The following THSD7B variants were observed in gnomAD, a reference collection of about 807,000 sequenced individuals.
THSD7B encodes the protein thrombospondin type 1 domain containing 7B.
THSD7B carries 138 observed loss-of-function variants against 213.6 expected under a neutral mutation model. The ratio of observed to expected loss-of-function variants is 0.65; its 90% CI spans 0.56 to 0.74. THSD7B has a LOEUF of 0.74. THSD7B is among the 30% of genes least tolerant of loss of function. The pLI is 0.00. For synonymous variants in THSD7B, 742 were observed against 687.0 expected (o/e 1.08, Z -1.25); for missense variants, 1,931 against 1,991.5 (o/e 0.97, Z 0.58).
chr2:137,594,725 AT>A (rs1263257163), intron 17 of THSD7B, among the ~76,000 whole-genome samples: 1 of 151,938 alleles, frequency 6.6e-6, no homozygotes, highest in East Asian at 1.9e-4. Flanking sequence ...AAATTTTAGG[AT>A]TGCATTGTCG....
chr2:136,852,531 A>G (rs35957276), intron 1 of THSD7B, among the ~76,000 whole-genome samples: 19,566 of 152,158 alleles, frequency 0.13, 1,880 homozygotes, highest in Non-Finnish European at 0.21. Context: ...GAGCCACACC[A>G]AACTGAGACT....
chr2:137,252,783 C>T (rs566848443), intron 10 of THSD7B, among the ~76,000 whole-genome samples: 1 of 152,288 alleles, frequency 6.6e-6, no homozygotes, highest in African/African-American at 2.4e-5. Flanking sequence ...GCCTTTCCAA[C>T]TGGTTCAAGC....
intron 1 of THSD7B, among the ~76,000 whole-genome samples, chr2:136,770,168 C>T (rs1198869578): frequency 2.0e-5 from 3 of 152,184 alleles, no homozygotes; most frequent in African/African-American, 7.2e-5. Flanking sequence ...GGCACGATTG[C>T]CTTAGTCTTA....
At chr2:137,133,778 C>T (rs1481025003) in intron 5 of THSD7B, among the ~76,000 whole-genome samples, 1 of 152,128 alleles carries the variant, frequency 6.6e-6, no homozygotes, top group Non-Finnish European at 1.5e-5. Context: ...ACTATCATTT[C>T]AACATAAATC....
At chr2:137,381,891 G>A (rs1434749885) in intron 12 of THSD7B, among the ~76,000 whole-genome samples, 1 of 152,158 alleles carries the variant, frequency 6.6e-6, no homozygotes, top group Non-Finnish European at 1.5e-5. Context: ...TGTTTGATGA[G>A]GGAACTGGCC....
chr2:137,068,601 T>C (rs1687422259), intron 3 of THSD7B, among the ~76,000 whole-genome samples: 1 of 152,116 alleles, frequency 6.6e-6, no homozygotes. Context: ...ACATTTTTCG[T>C]GTGTGTATTT....
chr2:137,666,964 G>T (rs565849532), intron 26 of THSD7B, among the ~76,000 whole-genome samples: 2 of 152,124 alleles, frequency 1.3e-5, no homozygotes, highest in Admixed American at 1.3e-4. Flanking sequence ...CAGTAATTTG[G>T]TGAATTGATT....
chr2:137,406,408 C>T (rs1359384829), intron 13 of THSD7B, among the ~76,000 whole-genome samples: 1 of 152,084 alleles, frequency 6.6e-6, no homozygotes, highest in African/African-American at 2.4e-5. Context: ...CTGCAGTATG[C>T]AAATAATTGA....
intron 12 of THSD7B, among the ~76,000 whole-genome samples, chr2:137,316,221 C>A (rs371575276): frequency 2.0e-5 from 3 of 152,194 alleles, no homozygotes; most frequent in African/African-American, 7.2e-5. Context: ...ATACCACAAC[C>A]GATACCTTCA....
intron 5 of THSD7B, among the ~76,000 whole-genome samples, chr2:137,143,340 G>A (rs183964959): frequency 6.6e-6 from 1 of 152,076 alleles, no homozygotes; most frequent in East Asian, 1.9e-4. Context: ...GTGGAATCAC[G>A]CATTCTCTTC....
At chr2:137,184,681 A>G (rs912160817) in intron 7 of THSD7B, among the ~76,000 whole-genome samples, 1 of 152,196 alleles carries the variant, frequency 6.6e-6, no homozygotes, top group East Asian at 1.9e-4. Context: ...GTCTAAGTCT[A>G]TATCTATATC....
chr2:137,509,225 C>CT (rs1573673903), intron 15 of THSD7B, among the ~76,000 whole-genome samples: 1 of 152,064 alleles, frequency 6.6e-6, no homozygotes, highest in African/African-American at 2.4e-5. Context: ...ACCTTCCTGT[C>CT]TTTTTTTCTT....
intron 15 of THSD7B, among the ~76,000 whole-genome samples, chr2:137,558,501 C>A (rs1681034889): frequency 6.6e-6 from 1 of 152,146 alleles, no homozygotes; most frequent in African/African-American, 2.4e-5. Context: ...AGGCCTTCAA[C>A]ATAATTCAAC....
At chr2:137,270,061 G>C (rs922954592) in intron 10 of THSD7B, among the ~76,000 whole-genome samples, 2 of 152,154 alleles carry the variant, frequency 1.3e-5, no homozygotes, top group African/African-American at 4.8e-5. Flanking sequence ...TTGATGGAGG[G>C]AGAAACATTT....
intron 7 of THSD7B, among the ~76,000 whole-genome samples, chr2:137,213,575 AATGATAC>A (rs1282752209): frequency 6.6e-6 from 1 of 150,938 alleles, no homozygotes; most frequent in Non-Finnish European, 1.5e-5. Context: ...AATCATATAT[AATGATAC>A]ATGATATATA....
chr2:137,675,741 C>A (rs1400087220), intron 27 of THSD7B, among the ~76,000 whole-genome samples: 5 of 151,972 alleles, frequency 3.3e-5, no homozygotes, highest in Non-Finnish European at 7.4e-5. Context: ...AGAGATGAAG[C>A]CGGGCTGTGT....
chr2:136,973,491 T>C (rs114285023), intron 2 of THSD7B, among the ~76,000 whole-genome samples: 4,188 of 152,300 alleles, frequency 0.027, 81 homozygotes, highest in Non-Finnish European at 0.044. Context: ...TTTATATCAA[T>C]ATTTGTCATT....
At chr2:137,144,076 G>A (rs1679644152) in intron 5 of THSD7B, among the ~76,000 whole-genome samples, 1 of 152,040 alleles carries the variant, frequency 6.6e-6, no homozygotes, top group African/African-American at 2.4e-5. Flanking sequence ...GCAACAGACA[G>A]CATAAACGGA....
At chr2:137,087,438 A>C (rs1216894115) in intron 3 of THSD7B, among the ~76,000 whole-genome samples, 2 of 151,902 alleles carry the variant, frequency 1.3e-5, no homozygotes, top group Non-Finnish European at 2.9e-5. Flanking sequence ...CAGAACTTAT[A>C]AAATAATTCA....
Sources: allele counts gnomAD v4.1 joint callset (sites outside exome capture counted in the v4.1 genomes callset), GRCh38; gene constraint gnomAD v4.1.1; transcripts MANE v1.5; gene names NCBI Gene and HGNC (gene_info 2026-07-23, HGNC 2026-07-21).